The following NTRK3 variants were observed in gnomAD, a reference collection of about 807,000 sequenced individuals.
NTRK3 encodes neurotrophic receptor tyrosine kinase 3, also known as NT-3 growth factor receptor.
NTRK3 carries 24 observed loss-of-function variants against 91.7 expected under a neutral mutation model. That is an observed-to-expected ratio of 0.26 (90% CI 0.19 to 0.37). NTRK3 has a LOEUF of 0.37. NTRK3 is among the 10% of genes least tolerant of loss of function. The pLI is 1.00. For synonymous variants in NTRK3, 483 were observed against 404.0 expected (o/e 1.20, Z -2.34); for missense variants, 880 against 1,068.9 (o/e 0.82, Z 2.46).
chr15:88,078,493 T>C (rs1291808797), intron 13 of NTRK3, among the ~76,000 whole-genome samples: 1 of 152,050 alleles, frequency 6.6e-6, no homozygotes, highest in Non-Finnish European at 1.5e-5. Context: ...CTACTAAAAA[T>C]ACAAAAATTA....
At position 87,867,672 on chromosome 15, in the gene NTRK3, C is replaced by T. The variant is rs78623605; in HGVS notation, c.*9263G>A. ...TCCTAGCCCAGTGCTCTTCTCCTGC[C>T]CCATGCTAACCGTTTTGGTTCACGT... On this transcript the variant is annotated 3_prime_UTR_variant, in exon 19 of 19. Transcript: ENST00000394480. 2.5e-3 allele frequency: 566 copies of T among 229,000 alleles called. 1 individual carries two copies. Among genetic ancestry groups the T allele is most frequent in the African/African-American group, 0.012 (533 of 45,178 alleles). 14.2% of individuals were successfully genotyped at this position (229,000 alleles called of 1,614,324 possible). A position where few individuals can be genotyped will look rare whatever the true frequency, so the allele number is the denominator to read the frequency against.
chr15:87,945,839 A>G (rs948059199), intron 14 of NTRK3, among the ~76,000 whole-genome samples: 12 of 149,228 alleles, frequency 8.0e-5, no homozygotes, highest in Non-Finnish European at 1.5e-4. Flanking sequence ...ACAGATCTCT[A>G]TTGAAATCCT....
chr15:88,050,407 A>T (rs891164339), intron 13 of NTRK3, among the ~76,000 whole-genome samples: 1 of 152,178 alleles, frequency 6.6e-6, no homozygotes, highest in African/African-American at 2.4e-5. Flanking sequence ...ATATTTATAT[A>T]TGGAATGTTT....
chr15:88,042,342 C>T (rs771731477), intron 13 of NTRK3, among the ~76,000 whole-genome samples: 6 of 152,300 alleles, frequency 3.9e-5, no homozygotes, highest in Middle Eastern at 3.4e-3. Context: ...CAAGTGAACA[C>T]GGGCTGTGCT....
intron 5 of NTRK3, among the ~76,000 whole-genome samples, chr15:88,160,682 G>A (rs759672660): frequency 6.6e-6 from 1 of 152,186 alleles, no homozygotes; most frequent in Non-Finnish European, 1.5e-5. Flanking sequence ...TGGGGATCAC[G>A]TGAGGAACAA....
At chr15:88,063,570 C>T (rs537078959) in intron 13 of NTRK3, among the ~76,000 whole-genome samples, 17 of 152,324 alleles carry the variant, frequency 1.1e-4, no homozygotes, top group African/African-American at 3.8e-4. Context: ...CTGGTCCTCA[C>T]CTCATGACCC....
At chr15:88,033,141 C>A in intron 13 of NTRK3, 96 bp from the exon 14 acceptor site, 1 of 1,024,010 alleles carries the variant, frequency 9.8e-7, no homozygotes, top group Non-Finnish European at 1.4e-6. Context: ...GTTCCCATCA[C>A]AAACATTTTC....
chr15:88,203,852 A>G (rs1448304647), intron 3 of NTRK3, among the ~76,000 whole-genome samples: 1 of 152,232 alleles, frequency 6.6e-6, no homozygotes, highest in Admixed American at 6.5e-5. Flanking sequence ...ATTTTTTTAA[A>G]AAAAAGCAAA....
At chr15:88,096,511 A>T (rs540585257) in intron 13 of NTRK3, among the ~76,000 whole-genome samples, 3 of 152,138 alleles carry the variant, frequency 2.0e-5, no homozygotes, top group Non-Finnish European at 4.4e-5. Flanking sequence ...CAAAGACAGC[A>T]GGCAGTTCAG....
chr15:87,933,219 T>A (rs2141958828), intron 15 of NTRK3, 35 bp from the exon 16 acceptor site: 1 of 1,611,090 alleles, frequency 6.2e-7, no homozygotes, highest in Non-Finnish European at 8.5e-7. Flanking sequence ...GTTTAACAAC[T>A]ACAGGGCAGG....
intron 3 of NTRK3, among the ~76,000 whole-genome samples, chr15:88,211,477 T>C (rs1006155495): frequency 2.0e-5 from 3 of 152,254 alleles, no homozygotes; most frequent in African/African-American, 7.2e-5. Context: ...GCCATTCATG[T>C]TTATGTTTTT....
chr15:87,964,232 T>A (rs2072581763), intron 14 of NTRK3, among the ~76,000 whole-genome samples: 3 of 152,106 alleles, frequency 2.0e-5, no homozygotes, highest in Non-Finnish European at 2.9e-5. Flanking sequence ...ATGGTAGCGG[T>A]GCTAGGAACA....
At position 87,929,450 on chromosome 15, in the gene NTRK3, G is replaced by A. The variant is rs1287084144; in HGVS notation, c.1890-16C>T. 4 of 1,612,982 alleles carry A rather than the reference G, an allele frequency of 2.5e-6. No homozygotes were observed. In the South Asian group the frequency reaches 3.3e-5, roughly 13 times the overall value. ...CCCATGGGCCCTGCAAGAGCATGGGGAGAAGAGAGGGGGCAGAGAGAAATC... is the reference window on the plus strand; with the variant it reads ...CCCATGGGCCCTGCAAGAGCATGGGAAGAAGAGAGGGGGCAGAGAGAAATC... On this transcript the variant is annotated splice_polypyrimidine_tract_variant and intron_variant, in intron 16 of 18. Transcript: ENST00000394480.
At chr15:87,936,607 G>A (rs996939017) in intron 15 of NTRK3, among the ~76,000 whole-genome samples, 1 of 150,398 alleles carries the variant, frequency 6.6e-6, no homozygotes, top group Non-Finnish European at 1.5e-5. Flanking sequence ...TTAATATCCT[G>A]AAATTCATTT....
At chr15:88,019,871 T>A (rs62019241) in intron 14 of NTRK3, among the ~76,000 whole-genome samples, 7,717 of 152,334 alleles carry the variant, frequency 0.051, 254 homozygotes, top group South Asian at 0.11. Context: ...AGGATTATCT[T>A]GTACTTTCAG....
intron 14 of NTRK3, among the ~76,000 whole-genome samples, chr15:88,004,548 G>A (rs375231944): frequency 3.6e-4 from 55 of 152,264 alleles, no homozygotes; most frequent in African/African-American, 1.3e-3. Context: ...ATGTTGCCAA[G>A]CATCATCAAA....
At chr15:88,210,029 C>T (rs1461049909) in intron 3 of NTRK3, 3 of 152,278 alleles carry the variant, frequency 2.0e-5, no homozygotes, top group Admixed American at 2.0e-4. Flanking sequence ...CTGGGGAGGC[C>T]ACCCGGCAGG....
At chr15:87,929,496 C>A in intron 16 of NTRK3, 62 bp from the exon 17 acceptor site, 2 of 1,593,090 alleles carry the variant, frequency 1.3e-6, no homozygotes, top group Non-Finnish European at 1.7e-6. Flanking sequence ...GGAGAAAGGC[C>A]TTCCTGGGTC....
chr15:88,134,421 T>C (rs1438226745), intron 10 of NTRK3, among the ~76,000 whole-genome samples: 2 of 152,236 alleles, frequency 1.3e-5, no homozygotes, highest in African/African-American at 4.8e-5. Context: ...TAATTTTTCC[T>C]GGTCCACTTG....
Sources: allele counts gnomAD v4.1 joint callset (sites outside exome capture counted in the v4.1 genomes callset), GRCh38; gene constraint gnomAD v4.1.1; transcripts MANE v1.5; gene names NCBI Gene and HGNC (gene_info 2026-07-23, HGNC 2026-07-21).